Variants in CSMD1 observed in about 807,000 individuals in gnomAD.
The protein encoded by CSMD1 is CUB and sushi domain-containing protein 1.
CSMD1 carries 213 observed loss-of-function variants against 417.5 expected under a neutral mutation model. The observed-to-expected ratio is 0.51, with a 90% CI of 0.46 to 0.57. The LOEUF is 0.57. Among genes scored for constraint, CSMD1 ranks in the 20% least tolerant of loss-of-function variants. The pLI is 0.00. For missense variants in CSMD1, 6,923 were observed against 4,529.7 expected (o/e 1.53, Z -15.17); for synonymous variants, 2,862 against 1,736.8 (o/e 1.65, Z -16.11).
intron 7 of CSMD1, among the ~76,000 whole-genome samples, chr8:3,637,625 T>C (rs1376578881): frequency 6.7e-6 from 1 of 148,938 alleles, no homozygotes. Context: ...GGTGCTACTG[T>C]TGGCACTATT....
At chr8:3,576,873 T>C (rs1415084380) in intron 9 of CSMD1, among the ~76,000 whole-genome samples, 2 of 152,254 alleles carry the variant, frequency 1.3e-5, no homozygotes, top group African/African-American at 2.4e-5. Flanking sequence ...CTCTGAGTTG[T>C]AATACCTTTA....
chr8:4,765,152 G>A (rs140948587), intron 1 of CSMD1, among the ~76,000 whole-genome samples: 109 of 152,150 alleles, frequency 7.2e-4, no homozygotes, highest in African/African-American at 2.4e-3. Flanking sequence ...AGTTAATATA[G>A]CTCGTGACTT....
intron 5 of CSMD1, among the ~76,000 whole-genome samples, chr8:3,788,205 T>C (rs1385299741): frequency 1.3e-5 from 2 of 152,218 alleles, no homozygotes; most frequent in East Asian, 1.9e-4. Context: ...TTACAGATAG[T>C]TGGATCACAG....
At chr8:3,275,495 G>A (rs1215270717) in intron 26 of CSMD1, among the ~76,000 whole-genome samples, 2 of 152,186 alleles carry the variant, frequency 1.3e-5, no homozygotes, top group African/African-American at 4.8e-5. Flanking sequence ...GATTGGGGAA[G>A]TTCTCCTGGA....
intron 1 of CSMD1, among the ~76,000 whole-genome samples, chr8:4,764,872 C>CAAAAAAAAAAAAAA (rs1194894751): frequency 1.4e-4 from 7 of 50,940 alleles, no homozygotes; most frequent in Admixed American, 2.6e-4. Flanking sequence ...GACTCCATCT[C>CAAAAAAAAAAAAAA]AAAAAAAAAA....
intron 22 of CSMD1, among the ~76,000 whole-genome samples, chr8:3,345,191 G>A (rs11783858): frequency 0.16 from 24,627 of 152,144 alleles, 2,028 homozygotes; most frequent in Middle Eastern, 0.24. Context: ...CCGCTCTCCT[G>A]AATCTTGGCT....
intron 3 of CSMD1, among the ~76,000 whole-genome samples, chr8:4,083,682 A>G (rs1563101940): frequency 6.6e-6 from 1 of 152,202 alleles, no homozygotes; most frequent in Non-Finnish European, 1.5e-5. Flanking sequence ...CCTTATACAA[A>G]AATCAATTCA....
intron 3 of CSMD1, among the ~76,000 whole-genome samples, chr8:4,109,761 A>G (rs758519609): frequency 1.4e-4 from 22 of 152,290 alleles, no homozygotes; most frequent in Non-Finnish European, 2.5e-4. Context: ...ATGTAACATA[A>G]GACAGTTTGA....
intron 10 of CSMD1, among the ~76,000 whole-genome samples, chr8:3,552,881 G>T (rs768678488): frequency 6.6e-6 from 1 of 151,954 alleles, no homozygotes; most frequent in African/African-American, 2.4e-5. Flanking sequence ...TAATACAAAA[G>T]TAAATTCTTC....
chr8:4,942,466 C>T (rs898715728), intron 1 of CSMD1, among the ~76,000 whole-genome samples: 65 of 152,140 alleles, frequency 4.3e-4, no homozygotes, highest in African/African-American at 1.5e-3. Flanking sequence ...AGACAGTTTT[C>T]ACATTTTAAA....
intron 8 of CSMD1, among the ~76,000 whole-genome samples, chr8:3,597,223 T>C (rs1465098738): frequency 1.3e-5 from 2 of 151,984 alleles, no homozygotes; most frequent in Admixed American, 6.6e-5. Flanking sequence ...ATGGTAAACA[T>C]CGGGCCCCAG....
intron 2 of CSMD1, among the ~76,000 whole-genome samples, chr8:4,602,565 T>G (rs1405736800): frequency 6.6e-6 from 1 of 152,208 alleles, no homozygotes. Context: ...AGACAAGATG[T>G]AAAACTCTTT....
rs961316485 is a variant in CSMD1 at position 4,530,812 on chromosome 8, TA to T, written c.302+106529del. On this transcript the variant is annotated intron_variant, in intron 2 of 69. Transcript: ENST00000635120. Reference sequence around the variant, plus strand: ...CAGCAATCCCATAGCCAAAGGATTATAAATCATTCTACTATAGGCAGCGCTT... The same window carrying T: ...CAGCAATCCCATAGCCAAAGGATTATAATCATTCTACTATAGGCAGCGCTT... Among the ~76,000 whole-genome samples the T allele has an allele frequency of 2.5e-3, 375 of 151,996 alleles. 5 individuals carry two copies. Among genetic ancestry groups the T allele is most frequent in the African/African-American group, 8.6e-3 (356 of 41,408 alleles).
At position 3,411,924 on chromosome 8, in the gene CSMD1, A is replaced by G. The variant is rs1165418323; in HGVS notation, c.1562-2319T>C. Among the ~76,000 whole-genome samples, 12 of 69,568 alleles carry G rather than the reference A, an allele frequency of 1.7e-4. 2 individuals carry two copies. Among genetic ancestry groups the G allele is most frequent in the African/African-American group, 2.8e-4 (6 of 21,568 alleles). 45.6% of individuals were successfully genotyped at this position (69,568 alleles called of 152,430 possible). A position where few individuals can be genotyped will look rare whatever the true frequency, so the allele number is the denominator to read the frequency against. The stretch of plus-strand genomic sequence containing the variant: ...TATATATACACGTATATATGCACGT[A>G]TATATACACGTATATATGCACGTAT... On this transcript the variant is annotated intron_variant, in intron 12 of 69. Transcript: ENST00000635120.
intron 1 of CSMD1, among the ~76,000 whole-genome samples, chr8:4,818,224 T>G (rs749448932): frequency 1.3e-5 from 2 of 152,200 alleles, no homozygotes; most frequent in African/African-American, 4.8e-5. Context: ...TTTTAAAATG[T>G]ATAGCAATAG....
intron 1 of CSMD1, among the ~76,000 whole-genome samples, chr8:4,911,200 G>C (rs767424691): frequency 1.3e-5 from 2 of 152,180 alleles, no homozygotes; most frequent in Non-Finnish European, 2.9e-5. Flanking sequence ...GCACATTAAA[G>C]ATTTTGGCTT....
intron 8 of CSMD1, among the ~76,000 whole-genome samples, chr8:3,612,964 C>T (rs1801963354): frequency 2.0e-5 from 3 of 151,852 alleles, no homozygotes; most frequent in Admixed American, 2.0e-4. Flanking sequence ...AGAAACTAAA[C>T]AATACAGAAA....
At chr8:3,728,035 C>T (rs371818828) in intron 6 of CSMD1, among the ~76,000 whole-genome samples, 1 of 152,054 alleles carries the variant, frequency 6.6e-6, no homozygotes, top group African/African-American at 2.4e-5. Flanking sequence ...ATTCAATGCC[C>T]CTGAATTGTA....
At chr8:3,137,192 C>A (rs1381115445) in intron 41 of CSMD1, among the ~76,000 whole-genome samples, 2 of 152,178 alleles carry the variant, frequency 1.3e-5, no homozygotes, top group Non-Finnish European at 2.9e-5. Context: ...GAACACTAGA[C>A]CTTATTCCTC....
Sources: allele counts gnomAD v4.1 joint callset (sites outside exome capture counted in the v4.1 genomes callset), GRCh38; gene constraint gnomAD v4.1.1; transcripts MANE v1.5; gene names NCBI Gene and HGNC (gene_info 2026-07-23, HGNC 2026-07-21).